NAXD: variants seen among roughly 807,000 people sequenced by gnomAD.
NAXD encodes the protein NAD(P)HX dehydratase, also known as ATP-dependent (S)-NAD(P)H-hydrate dehydratase.
A neutral mutation model predicts 35.8 loss-of-function variants in NAXD; 22 were observed. The ratio of observed to expected loss-of-function variants is 0.62; its 90% CI spans 0.44 to 0.88. NAXD has a LOEUF of 0.88. Among genes scored for constraint, NAXD ranks in the 40% least tolerant of loss-of-function variants. The pLI is 0.00. For synonymous variants in NAXD, 189 were observed against 177.6 expected, an observed-to-expected ratio of 1.06 and a Z score of -0.51; for missense variants, 428 against 437.7, an observed-to-expected ratio of 0.98 and a Z score of 0.20.
In NAXD at chr13:110,638,196, AGGGTTAATGGT is replaced by A; in HGVS notation, c.840-179_840-169del. The stretch of plus-strand genomic sequence containing the variant: ...TGTGCCTCCTGCCAGGGAGTAGTGG[AGGGTTAATGGT>A]GGTTTTCGCTGTGATAAACCTGCTT... On this transcript the variant is annotated intron_variant, in intron 9 of 9. Coordinates refer to ENST00000680254, the MANE Select transcript of NAXD (RefSeq NM_001242882.2). The surrounding 1 kb of genome is among the most constrained non-coding windows in gnomAD (Gnocchi z 5.4). 6.6e-7 allele frequency: 1 copy of A among 1,512,852 alleles called. No individual in the cohort carries two copies. Among genetic ancestry groups the A allele is most frequent in the Non-Finnish European group, 8.9e-7 (1 of 1,126,286 alleles). 93.7% of individuals were successfully genotyped at this position (1,512,852 alleles called of 1,614,324 possible).
At chr13:110,620,746 C>CAA (rs1464153671) in intron 1 of NAXD, among the ~76,000 whole-genome samples, 1 of 152,204 alleles carries the variant, frequency 6.6e-6, no homozygotes, top group Non-Finnish European at 1.5e-5. Context: ...AGTTAAAAGA[C>CAA]AAAGCTCTTT....
At chr13:110,630,644 A>G (rs1886665152) in intron 5 of NAXD, among the ~76,000 whole-genome samples, 1 of 152,004 alleles carries the variant, frequency 6.6e-6, no homozygotes, top group African/African-American at 2.4e-5. Context: ...TAAGAGCCTT[A>G]TTGTTTTGGT....
At chr13:110,629,449 G>C (rs1886625085) in intron 5 of NAXD, among the ~76,000 whole-genome samples, 1 of 152,254 alleles carries the variant, frequency 6.6e-6, no homozygotes, top group East Asian at 1.9e-4. Flanking sequence ...GCCCATCCCC[G>C]TTAGCATCTG....
chr13:110,637,504 G>A (rs914101175), intron 9 of NAXD, among the ~76,000 whole-genome samples: 3 of 152,184 alleles, frequency 2.0e-5, no homozygotes, highest in African/African-American at 4.8e-5. Context: ...GAGTTCCGAG[G>A]TGCAACCAAG....
chr13:110,628,314 A>G lies in NAXD; in HGVS notation c.441+767A>G, dbSNP rs1886573044. Among the ~76,000 whole-genome samples the G allele has an allele frequency of 6.6e-6, 1 of 152,166 alleles. No individual in the cohort carries two copies. The highest frequency in any genetic ancestry group is 1.5e-5 in the Non-Finnish European group (1 of 68,034). On this transcript the variant is annotated intron_variant, in intron 5 of 9. Transcript: ENST00000680254. This position sits in a 1 kb window ranked among gnomAD's most constrained non-coding sequence, Gnocchi z 4.1. ...CCCCTGTTAGAGCTCCTGGGGGAAG[A>G]CACAGTGTGCCAGATGGCTTGGTGC...
intron 5 of NAXD, 149 bp from the exon 6 acceptor site, chr13:110,634,396 C>A: frequency 1.3e-6 from 1 of 771,234 alleles, no homozygotes; most frequent in Non-Finnish European, 2.2e-6. Flanking sequence ...TTAAACCAAC[C>A]CATGAGGACA....
At chr13:110,620,560 CAG>C (rs1269712065) in intron 1 of NAXD, among the ~76,000 whole-genome samples, 2 of 133,600 alleles carry the variant, frequency 1.5e-5, no homozygotes, top group Non-Finnish European at 3.1e-5. Flanking sequence ...AGCCTGGCGA[CAG>C]AGTGAGACTC....
At chr13:110,625,990 C>T (rs330559) in intron 4 of NAXD, among the ~76,000 whole-genome samples, 19,508 of 152,032 alleles carry the variant, frequency 0.13, 1,314 homozygotes, top group Middle Eastern at 0.17. Context: ...AGTGTGATGA[C>T]GCCTGGGTCG....
chr13:110,621,783 A>G (rs1218141187), intron 1 of NAXD, among the ~76,000 whole-genome samples: 1 of 152,148 alleles, frequency 6.6e-6, no homozygotes, highest in East Asian at 1.9e-4. Flanking sequence ...TAATCCCAGC[A>G]CTTTGAGAGG....
chr13:110,635,821 TA>T (rs762312097), intron 8 of NAXD, among the ~76,000 whole-genome samples: 3 of 152,268 alleles, frequency 2.0e-5, no homozygotes, highest in Non-Finnish European at 4.4e-5. Context: ...CCGTGGGCCT[TA>T]CCCGTTGGTT....
In NAXD at chr13:110,632,058, G is replaced by A. The variant is rs541447294; in HGVS notation, c.442-2487G>A. Among the ~76,000 whole-genome samples, 4 of 152,068 alleles carry A rather than the reference G, an allele frequency of 2.6e-5. No individual in the cohort carries two copies. In the South Asian group the frequency reaches 8.3e-4, roughly 32 times the overall value. ...TCTCACTGACTTCAAGAATGAAGCC[G>A]TGGACCCTCGCGGTGAGTGTTACAG... On this transcript the variant is annotated intron_variant, in intron 5 of 9. Transcript: ENST00000680254.
At chr13:110,622,829 G>A (rs117814190) in intron 2 of NAXD, among the ~76,000 whole-genome samples, 1 of 152,266 alleles carries the variant, frequency 6.6e-6, no homozygotes, top group South Asian at 2.1e-4. Flanking sequence ...TTGTCCTTGG[G>A]TGTGAAGGAT....
chr13:110,637,237 A>G lies in NAXD; in HGVS notation c.827A>G (p.Gln276Arg), dbSNP rs773029675. The change falls in exon 9 of 10, where the codon CAG becomes CGG. Residue 276 changes from glutamine (Q) to arginine (R), a missense_variant. Coordinates refer to ENST00000680254, the MANE Select transcript of NAXD (RefSeq NM_001242882.2). ...LVHWALLAGP[Q>R]KTNGSSPLLV... is the part of the protein sequence containing the mutation. Reference sequence around the variant, plus strand: ...CACTGGGCGCTCCTTGCTGGACCACAGAAAACAAATGGGTAAGGCCACGTC... The same window carrying G: ...CACTGGGCGCTCCTTGCTGGACCACGGAAAACAAATGGGTAAGGCCACGTC... The G allele has an allele frequency of 1.2e-6, 2 of 1,614,100 alleles. No homozygotes were observed. Among genetic ancestry groups the G allele is most frequent in the South Asian group, 2.2e-5 (2 of 91,068 alleles).
chr13:110,635,563 C>T lies in NAXD; in HGVS notation c.693C>T (p.Arg231=), dbSNP rs1440315286. 1.6e-5 allele frequency: 26 copies of T among 1,613,990 alleles called. No individual in the cohort carries two copies. The highest frequency in any genetic ancestry group is 1.1e-4 in the East Asian group (5 of 44,896). Residue 231 remains arginine, a synonymous_variant, in exon 8 of 10, where the codon CGC becomes CGT. Coordinates refer to ENST00000680254, the MANE Select transcript of NAXD (RefSeq NM_001242882.2). The part of the protein sequence containing the change: ...GNVTVVQKGE[R]DILSNGQQVL... ...TGACGGTGGTCCAGAAAGGAGAGCGCGACATCCTCTCCAACGGCCAGCAGG... is the reference window on the plus strand; with the variant it reads ...TGACGGTGGTCCAGAAAGGAGAGCGTGACATCCTCTCCAACGGCCAGCAGG...
rs575714196 is a variant in NAXD, at chr13:110,625,366, T to C, written c.332+88T>C. ...GGCACTGACACCGAAAGCGTCCTGA[T>C]GGATTTTCCATCCTCAGAGTTTCTC... On this transcript the variant is annotated intron_variant, in intron 4 of 9. Transcript: ENST00000680254. The C allele has an allele frequency of 2.7e-3, 2,250 of 818,198 alleles. 6 individuals carry two copies. The highest frequency in any genetic ancestry group is 3.4e-3 in the South Asian group (216 of 63,510). 50.7% of individuals were successfully genotyped at this position (818,198 alleles called of 1,614,324 possible). A position where few individuals can be genotyped will look rare whatever the true frequency, so the allele number is the denominator to read the frequency against.
intron 1 of NAXD, among the ~76,000 whole-genome samples, chr13:110,620,596 A>G (rs1886226462): frequency 6.6e-6 from 1 of 150,852 alleles, no homozygotes; most frequent in Non-Finnish European, 1.5e-5. Context: ...AAAAAAAAAA[A>G]GAATTTGGGT....
At position 110,638,364 on chromosome 13, in the gene NAXD, C is replaced by A; in HGVS notation, c.840-14C>A. On this transcript the variant is annotated splice_polypyrimidine_tract_variant and intron_variant, in intron 9 of 9. Transcript: ENST00000680254. The surrounding 1 kb of genome is among the most constrained non-coding windows in gnomAD (Gnocchi z 5.4). ...CCCACTTCCCCACACCTCCTGCTGT[C>A]CCCCTCTCCGCAGGTCCAGCCCTCT... is the stretch of plus-strand genomic sequence containing the variant. 3.7e-6 allele frequency: 6 copies of A among 1,613,942 alleles called. No homozygotes were observed. Among genetic ancestry groups the A allele is most frequent in the Non-Finnish European group, 5.1e-6 (6 of 1,180,020 alleles).
chr13:110,638,728 T>A lies in NAXD; in HGVS notation c.*200T>A. On this transcript the variant is annotated 3_prime_UTR_variant, in exon 10 of 10. Coordinates refer to ENST00000680254, the MANE Select transcript of NAXD (RefSeq NM_001242882.2). The surrounding 1 kb of genome is among the most constrained non-coding windows in gnomAD (Gnocchi z 5.4). ...TAAACTTAATGCATGGTTGGAGATGTTATGGCGACACTAAACAAAGTATTC... is the reference window on the plus strand; with the variant it reads ...TAAACTTAATGCATGGTTGGAGATGATATGGCGACACTAAACAAAGTATTC... The A allele has an allele frequency of 1.4e-6, 1 of 718,130 alleles. No homozygotes were observed. The highest frequency in any genetic ancestry group is 2.5e-6 in the Non-Finnish European group (1 of 400,370). 44.5% of individuals were successfully genotyped at this position (718,130 alleles called of 1,614,324 possible). A position where few individuals can be genotyped will look rare whatever the true frequency, so the allele number is the denominator to read the frequency against.
rs201060235 is a variant in NAXD at position 110,630,329 on chromosome 13, CTT to C, written c.441+2784_441+2785del. Among the ~76,000 whole-genome samples, 600 of 152,278 alleles carry C rather than the reference CTT, an allele frequency of 3.9e-3. 4 individuals carry two copies. The highest frequency in any genetic ancestry group is 0.014 in the African/African-American group (572 of 41,566). On this transcript the variant is annotated intron_variant, in intron 5 of 9. Coordinates refer to ENST00000680254, the MANE Select transcript of NAXD (RefSeq NM_001242882.2). Reference sequence around the variant, plus strand: ...AGGCGTGAGCTACCATGCCTGGCCTCTTTGGGTATCTTCTTTGGAGAAGTGTC... The same window carrying C: ...AGGCGTGAGCTACCATGCCTGGCCTCTGGGTATCTTCTTTGGAGAAGTGTC...
Sources: allele counts gnomAD v4.1 joint callset (sites outside exome capture counted in the v4.1 genomes callset), GRCh38; gene constraint gnomAD v4.1.1; non-coding constraint Gnocchi (gnomAD v3.1); transcripts MANE v1.5; gene names NCBI Gene and HGNC (gene_info 2026-07-23, HGNC 2026-07-21).